The following TBC1D2B variants were observed in gnomAD, a reference collection of about 807,000 sequenced individuals.
TBC1D2B encodes the protein TBC1 domain family, member 2B.
In TBC1D2B, 64 loss-of-function variants were observed where a neutral mutation model predicts 100.8. The ratio of observed to expected loss-of-function variants is 0.64; its 90% confidence interval spans 0.52 to 0.78. The LOEUF is 0.78. Among genes scored for constraint, TBC1D2B ranks in the 30% least tolerant of loss-of-function variants. TBC1D2B has a pLI of 0.00. For missense variants in TBC1D2B, 1,052 were observed against 1,218.4 expected (o/e 0.86, Z 2.03); for synonymous variants, 480 against 479.7 (o/e 1.00, Z -0.01).
intron 1 of TBC1D2B, among the ~76,000 whole-genome samples, chr15:78,071,035 T>C (rs551547392): frequency 9.6e-4 from 146 of 152,368 alleles, no homozygotes; most frequent in Non-Finnish European, 1.7e-3. Context: ...CTGGTCAGGC[T>C]GGTCTCAAAC....
intron 1 of TBC1D2B, among the ~76,000 whole-genome samples, chr15:78,063,183 G>A (rs12915847): frequency 0.89 from 134,313 of 151,182 alleles, 60,367 homozygotes; most frequent in East Asian, 0.99. Flanking sequence ...TGTATCAACT[G>A]TCTATATTAT....
At chr15:78,058,397 G>A (rs780117923) in intron 1 of TBC1D2B, among the ~76,000 whole-genome samples, 8 of 152,120 alleles carry the variant, frequency 5.3e-5, no homozygotes, top group African/African-American at 1.4e-4. Context: ...TTAAACAGGC[G>A]CCTCCATATC....
intron 1 of TBC1D2B, among the ~76,000 whole-genome samples, chr15:78,055,407 T>C (rs2073401821): frequency 6.6e-6 from 1 of 152,088 alleles, no homozygotes; most frequent in South Asian, 2.1e-4. Context: ...GTCTCCAGGC[T>C]GCCCCCAGCA....
In TBC1D2B at chr15:77,995,207, G is replaced by A. The variant is rs1463683575; in HGVS notation, c.*2953C>T. 6 of 152,190 alleles carry A rather than the reference G, an allele frequency of 3.9e-5. No homozygotes were observed. Among genetic ancestry groups the A allele is most frequent in the African/African-American group, 1.4e-4 (6 of 41,452 alleles). 9.4% of individuals were successfully genotyped at this position (152,190 alleles called of 1,614,324 possible). A position where few individuals can be genotyped will look rare whatever the true frequency, so the allele number is the denominator to read the frequency against. ...TTCCCCGGGCAGGCCCAGCTGCCCA[G>A]AAGCCCCGGAACACACAGGAAGACA... On this transcript the variant is annotated 3_prime_UTR_variant, in exon 13 of 13. Coordinates refer to ENST00000300584, the MANE Select transcript of TBC1D2B (RefSeq NM_144572.2).
At position 78,013,262 on chromosome 15, in the gene TBC1D2B, A is replaced by C; in HGVS notation, c.1831T>G (p.Leu611Val). The change falls in exon 9 of 13, where the codon TTG (leucine) becomes GTG (valine). Residue 611 changes from leucine (L) to valine (V), a missense_variant. Around this residue, in one of 4 missense-constraint regions of TBC1D2B, gnomAD observed 373 missense variants for 464.9 expected, o/e 0.80. Transcript: ENST00000300584. ...TVPEDDEEEK[L>V]VAKVRALDLK... ...TCCAACGCGCGGACCTTGGCAACCAATTTCTCTTCCTCATCATCCTCAGGT... is the reference window on the plus strand; with the variant it reads ...TCCAACGCGCGGACCTTGGCAACCACTTTCTCTTCCTCATCATCCTCAGGT... 6.2e-7 allele frequency: 1 copy of C among 1,613,970 alleles called. No homozygotes were observed.
intron 3 of TBC1D2B, among the ~76,000 whole-genome samples, chr15:78,031,574 AAGAG>A (rs1326793949): frequency 5.8e-4 from 86 of 147,514 alleles, no homozygotes; most frequent in African/African-American, 2.0e-3. Flanking sequence ...AAAAAAAAAA[AAGAG>A]AGAGAGAGAG....
intron 9 of TBC1D2B, among the ~76,000 whole-genome samples, chr15:78,011,644 G>GTTTTT (rs773624522): frequency 7.8e-6 from 1 of 127,550 alleles, no homozygotes; most frequent in Non-Finnish European, 1.6e-5. Context: ...CTAATTTTTT[G>GTTTTT]GTTTTTTTTT....
At chr15:78,000,972 C>A (rs901336831) in intron 12 of TBC1D2B, among the ~76,000 whole-genome samples, 3 of 152,226 alleles carry the variant, frequency 2.0e-5, no homozygotes, top group Non-Finnish European at 4.4e-5. Context: ...TCTTGCCTAA[C>A]CCTGCAGGAC....
At chr15:78,062,980 C>T (rs1437212827) in intron 1 of TBC1D2B, among the ~76,000 whole-genome samples, 1 of 152,162 alleles carries the variant, frequency 6.6e-6, no homozygotes, top group Non-Finnish European at 1.5e-5. Context: ...GGATTCCTTG[C>T]TGGTAAAATT....
intron 11 of TBC1D2B, 23 bp downstream of exon 11, chr15:78,003,282 A>G (rs747734901): frequency 6.2e-7 from 1 of 1,607,312 alleles, no homozygotes; most frequent in African/African-American, 1.3e-5. Context: ...ATATCTGAAA[A>G]TAGCTGAGCT....
chr15:78,029,893 C>G, intron 4 of TBC1D2B, 114 bp downstream of exon 4: 1 of 724,500 alleles, frequency 1.4e-6, no homozygotes. Flanking sequence ...AGAATGCAAG[C>G]CCCCATTGGT....
Position 77,995,806 on chromosome 15 carries a change from G to C in TBC1D2B, c.*2354C>G, listed in dbSNP as rs2071736565. 6.6e-6 allele frequency: 1 copy of C among 152,018 alleles called. No homozygotes were observed. Among genetic ancestry groups the C allele is most frequent in the Non-Finnish European group, 1.5e-5 (1 of 67,920 alleles). The allele number at this position is 152,018 out of a possible 1,614,324, so 9.4% of individuals were successfully genotyped here. A position where few individuals can be genotyped will look rare whatever the true frequency, so the allele number is the denominator to read the frequency against. On this transcript the variant is annotated 3_prime_UTR_variant, in exon 13 of 13. Coordinates refer to ENST00000300584, the MANE Select transcript of TBC1D2B (RefSeq NM_144572.2). ...TGCAGGGGCCACGGGCTGGGTGTTG[G>C]GGTGAAGGTTCAGAGGAGGAACAGC...
chr15:78,003,098 T>G, intron 11 of TBC1D2B: 1 of 520,174 alleles, frequency 1.9e-6, no homozygotes, highest in African/African-American at 1.9e-5. Flanking sequence ...CAGGGCTTGA[T>G]GTGGGTTGAA....
chr15:78,045,292 C>T (rs921910754), intron 2 of TBC1D2B, among the ~76,000 whole-genome samples: 47 of 152,160 alleles, frequency 3.1e-4, no homozygotes, highest in African/African-American at 1.0e-3. Context: ...TGTGACATGC[C>T]TCAAACCACC....
chr15:77,999,094 G>C, intron 12 of TBC1D2B: 1 of 329,392 alleles, frequency 3.0e-6, no homozygotes. Context: ...GGTCTCTGGG[G>C]ATCACAAAAT....
chr15:78,041,919 A>G (rs1160306867), intron 3 of TBC1D2B, among the ~76,000 whole-genome samples: 1 of 152,208 alleles, frequency 6.6e-6, no homozygotes, highest in African/African-American at 2.4e-5. Context: ...TCATGCTATC[A>G]ATCTCATGAT....
intron 7 of TBC1D2B, chr15:78,017,112 C>T (rs757181714): frequency 1.1e-5 from 2 of 175,272 alleles, no homozygotes; most frequent in African/African-American, 4.7e-5. Flanking sequence ...CCCATTCTTT[C>T]TTAGGACACT....
At chr15:78,037,997 GGGAA>G (rs1201858522) in intron 3 of TBC1D2B, among the ~76,000 whole-genome samples, 1 of 152,192 alleles carries the variant, frequency 6.6e-6, no homozygotes, top group East Asian at 1.9e-4. Context: ...CGTCCTGCTA[GGGAA>G]GGGAGTGTGG....
intron 9 of TBC1D2B, 98 bp from the exon 10 acceptor site, chr15:78,009,212 T>C (rs546179624): frequency 4.8e-5 from 37 of 772,210 alleles, no homozygotes; most frequent in Middle Eastern, 3.6e-4. Context: ...TTTTCTCTCA[T>C]GGCCAAAATT....
Sources: gnomAD v4.1 joint callset for allele counts (sites outside exome capture counted in the v4.1 genomes callset) on GRCh38, gnomAD v4.1.1 for gene constraint, gnomAD v4.1.1 regional missense constraint, MANE v1.5 for transcripts, NCBI Gene and HGNC (gene_info 2026-07-23, HGNC 2026-07-21) for gene names.